The following MLLT6 variants were observed in gnomAD, a reference collection of about 807,000 sequenced individuals.
MLLT6 encodes protein AF-17.
A neutral mutation model predicts 103.0 loss-of-function variants in MLLT6; 22 were observed. That is an observed-to-expected ratio of 0.21 (90% confidence interval 0.15 to 0.31). The LOEUF (loss-of-function observed/expected upper bound fraction) is 0.31, where lower values mean the gene tolerates loss of function less well. MLLT6 is among the 10% of genes least tolerant of loss of function. The pLI is 1.00. For synonymous variants in MLLT6, 606 were observed against 623.5 expected (o/e 0.97, Z 0.42); for missense variants, 1,199 against 1,441.7 (o/e 0.83, Z 2.73).
Position 38,719,877 on chromosome 17 carries a change from G to T in MLLT6, c.2137G>T (p.Gly713Trp). 6.3e-7 allele frequency: 1 copy of T among 1,590,398 alleles called. No homozygotes were observed. Among genetic ancestry groups the T allele is most frequent in the South Asian group, 1.1e-5 (1 of 87,988 alleles). ...MEQLLEKQGDGEAGVNIVEML... is the reference protein window; with the variant it reads ...MEQLLEKQGDWEAGVNIVEML... Reference sequence around the variant, plus strand: ...GCAGCTTCTGGAGAAGCAGGGCGACGGGGAGGCCGGCGTCAACAGTGAGGA... The same window carrying T: ...GCAGCTTCTGGAGAAGCAGGGCGACTGGGAGGCCGGCGTCAACAGTGAGGA... The change falls in exon 14 of 20, where the codon GGG becomes TGG. Residue 713 changes from glycine to tryptophan, a missense_variant. Physicochemically the swap from Gly to Trp is radical, Grantham distance 184 (BLOSUM62 -2). This residue lies in a region of MLLT6 where 1,034 missense variants were observed against 1,091.5 expected (regional missense o/e 0.95). Coordinates refer to ENST00000621332, the MANE Select transcript of MLLT6 (RefSeq NM_005937.4).
intron 1 of MLLT6, 114 bp downstream of exon 1, chr17:38,705,855 C>T: frequency 3.0e-6 from 1 of 328,630 alleles, no homozygotes; most frequent in South Asian, 1.3e-4. Context: ...CCCCACCCCA[C>T]CTGAAGGGAA....
In MLLT6 at chr17:38,729,640, C is replaced by T; in HGVS notation, c.*4042C>T. ...TTTCTAAAACCTTGATATCCTCAGC[C>T]CAAAGGCGATGCCCCCCTGCCACCT... On this transcript the variant is annotated 3_prime_UTR_variant, in exon 20 of 20. Coordinates refer to ENST00000621332, the MANE Select transcript of MLLT6 (RefSeq NM_005937.4). 4.3e-6 allele frequency: 1 copy of T among 230,242 alleles called. No homozygotes were observed. The highest frequency in any genetic ancestry group is 8.6e-6 in the Non-Finnish European group (1 of 115,874). The allele number at this position is 230,242 out of a possible 1,614,324, so 14.3% of individuals were successfully genotyped here.
At chr17:38,719,623 G>A in intron 13 of MLLT6, 40 bp downstream of exon 13, 4 of 1,581,410 alleles carry the variant, frequency 2.5e-6, no homozygotes, top group Non-Finnish European at 3.4e-6. Flanking sequence ...CTGGGGGCAG[G>A]AGGGACACCC....
Position 38,716,883 on chromosome 17 carries a change from C to A in MLLT6, c.1553C>A (p.Ser518Tyr). The change falls in exon 10 of 20, where the codon TCC (serine) becomes TAC (tyrosine). Residue 518 changes from serine (S) to tyrosine (Y), a missense_variant. By Grantham distance (144) the Ser-to-Tyr change is moderately radical (BLOSUM62 -2). Coordinates refer to ENST00000621332, the MANE Select transcript of MLLT6 (RefSeq NM_005937.4). The surrounding 1 kb of genome is among the most constrained non-coding windows in gnomAD (Gnocchi z 5.6). ...GCTGCCTCACCCTTCTCTGGAGGTTCCCTGGTCAGCTCCGGCCTGGGAGGT... is the reference window on the plus strand; with the variant it reads ...GCTGCCTCACCCTTCTCTGGAGGTTACCTGGTCAGCTCCGGCCTGGGAGGT... ...ATAASPFSGG[S>Y]LVSSGLGGLS... 1.2e-6 allele frequency: 2 copies of A among 1,613,654 alleles called. No individual in the cohort carries two copies. Among genetic ancestry groups the A allele is most frequent in the Non-Finnish European group, 8.5e-7 (1 of 1,179,796 alleles).
rs2241012 is a variant in MLLT6, at chr17:38,711,886, G to A, written c.592G>A (p.Ala198Thr). The A allele has an allele frequency of 1.3e-3, 2,135 of 1,598,554 alleles. 43 individuals are homozygous for A. The East Asian group carries it at 0.039, about 29-fold the overall frequency. Residue 198 changes from alanine to threonine, a missense_variant, in exon 7 of 20, where the codon GCT (alanine) becomes ACT (threonine). Ala to Thr is a moderately conservative substitution (Grantham distance 58, BLOSUM62 0). Around this residue, in one of 7 missense-constraint regions of MLLT6, gnomAD observed 1,034 missense variants for 1,091.5 expected, o/e 0.95. Coordinates refer to ENST00000621332, the MANE Select transcript of MLLT6 (RefSeq NM_005937.4). Reference protein sequence around the residue: ...RHSSGGGGGGAGGGGGSMGGG... With the variant: ...RHSSGGGGGGTGGGGGSMGGG... ...CAGCAGCGGGGGAGGCGGAGGAGGC[G>A]CTGGAGGAGGAGGTGGCAGCATGGG...
At position 38,729,304 on chromosome 17, in the gene MLLT6, C is replaced by T. The variant is rs932045329; in HGVS notation, c.*3706C>T. ...CCTAGAGGGATTGAGGTAACTTCAA[C>T]TGGGAATTCCAAGGAAGGTGGGCAA... On this transcript the variant is annotated 3_prime_UTR_variant, in exon 20 of 20. Transcript: ENST00000621332. The T allele has an allele frequency of 1.7e-5, 4 of 233,192 alleles. No individual in the cohort carries two copies. Among genetic ancestry groups the T allele is most frequent in the African/African-American group, 8.8e-5 (4 of 45,340 alleles). The allele number at this position is 233,192 out of a possible 1,614,324, so 14.4% of individuals were successfully genotyped here. A position where few individuals can be genotyped will look rare whatever the true frequency, so the allele number is the denominator to read the frequency against.
At chr17:38,707,653 G>T in intron 3 of MLLT6, 110 bp from the exon 4 acceptor site, 1 of 1,285,432 alleles carries the variant, frequency 7.8e-7, no homozygotes, top group South Asian at 1.2e-5. Flanking sequence ...GCTGGCGCTG[G>T]AATCTGATGG....
intron 17 of MLLT6, among the ~76,000 whole-genome samples, 198 bp downstream of exon 17, chr17:38,722,425 C>T (rs1905809554): frequency 6.6e-6 from 1 of 152,180 alleles, no homozygotes; most frequent in Non-Finnish European, 1.5e-5. Context: ...GACGGTAGCT[C>T]CCCAGGGACA....
chr17:38,725,011 T>C, intron 19 of MLLT6, 35 bp downstream of exon 19: 1 of 1,365,222 alleles, frequency 7.3e-7, no homozygotes, highest in South Asian at 1.4e-5. Context: ...CTGCCTCCCC[T>C]CTGAGGGATG....
chr17:38,727,431 G>A lies in MLLT6; in HGVS notation c.*1833G>A, dbSNP rs1017929285. The A allele has an allele frequency of 1.8e-5, 4 of 227,556 alleles. No homozygotes were observed. The highest frequency in any genetic ancestry group is 6.3e-5 in the East Asian group (1 of 15,974). 14.1% of individuals were successfully genotyped at this position (227,556 alleles called of 1,614,324 possible). ...TTATTAATGCTAAATATGTTAGAAAGAAATGATAGCATTCAGCATTTTATT... is the reference window on the plus strand; with the variant it reads ...TTATTAATGCTAAATATGTTAGAAAAAAATGATAGCATTCAGCATTTTATT... On this transcript the variant is annotated 3_prime_UTR_variant, in exon 20 of 20. Transcript: ENST00000621332.
intron 15 of MLLT6, 41 bp from the exon 16 acceptor site, chr17:38,720,618 C>T (rs1327906227): frequency 1.2e-6 from 2 of 1,612,892 alleles, no homozygotes; most frequent in South Asian, 1.1e-5. Flanking sequence ...CCCTGAAGTC[C>T]GGACTGGCCC....
At position 38,726,399 on chromosome 17, in the gene MLLT6, G is replaced by GTGTC. The variant is rs994563650; in HGVS notation, c.*808_*811dup. The GTGTC allele has an allele frequency of 1.9e-4, 44 of 233,708 alleles. No individual in the cohort carries two copies. Among genetic ancestry groups the GTGTC allele is most frequent in the African/African-American group, 2.7e-4 (12 of 45,114 alleles). The allele number at this position is 233,708 out of a possible 1,614,324, so 14.5% of individuals were successfully genotyped here. A position where few individuals can be genotyped will look rare whatever the true frequency, so the allele number is the denominator to read the frequency against. On this transcript the variant is annotated 3_prime_UTR_variant, in exon 20 of 20. Transcript: ENST00000621332. ...TGTGTGTGTGTGTGTGTGTGTGTGT[G>GTGTC]TGTCTGTCTGCCTGTCTCTCTCCTC...
chr17:38,707,078 T>G (rs1251605502), intron 2 of MLLT6, 49 bp downstream of exon 2: 2 of 1,524,956 alleles, frequency 1.3e-6, no homozygotes, highest in Non-Finnish European at 1.8e-6. Context: ...CCCACACACC[T>G]GAGCGTCTCA....
chr17:38,716,317 G>A lies in MLLT6; in HGVS notation c.1037-50G>A. The A allele has an allele frequency of 6.4e-7, 1 of 1,563,844 alleles. No homozygotes were observed. The highest frequency in any genetic ancestry group is 8.7e-7 in the Non-Finnish European group (1 of 1,154,824). On this transcript the variant is annotated intron_variant, in intron 9 of 19. Coordinates refer to ENST00000621332, the MANE Select transcript of MLLT6 (RefSeq NM_005937.4). This position sits in a 1 kb window ranked among gnomAD's most constrained non-coding sequence, Gnocchi z 5.6. ...CGCCAGTACACGCGGGAGTGGGAGG[G>A]AGTGCGGGGATCTGGGGTCCAGCTG...
intron 17 of MLLT6, 27 bp from the exon 18 acceptor site, chr17:38,722,651 C>CCACCCCA (rs1405896532): frequency 2.2e-6 from 1 of 452,806 alleles, no homozygotes; most frequent in African/African-American, 2.2e-5. Flanking sequence ...TGTGTTGTCC[C>CCACCCCA]CCCCCCACCC....
At position 38,716,945 on chromosome 17, in the gene MLLT6, C is replaced by A; in HGVS notation, c.1615C>A (p.Pro539Thr). The A allele has an allele frequency of 6.2e-7, 1 of 1,613,734 alleles. No homozygotes were observed. Among genetic ancestry groups the A allele is most frequent in the South Asian group, 1.1e-5 (1 of 91,044 alleles). Residue 539 changes from proline to threonine, a missense_variant, in exon 10 of 20, where the codon CCC becomes ACC. Around this residue, in one of 7 missense-constraint regions of MLLT6, gnomAD observed 1,034 missense variants for 1,091.5 expected, o/e 0.95. Transcript: ENST00000621332. The surrounding 1 kb of genome is among the most constrained non-coding windows in gnomAD (Gnocchi z 5.6). ...AACCTTTGGGCCTTCTGGGAGCTTG[C>A]CCAGCTTGAGCCTGGAGTCCCCCTT... The part of the protein sequence containing the change: ...SRTFGPSGSL[P>T]SLSLESPLLG...
rs1243124050 is a variant in MLLT6 at position 38,729,493 on chromosome 17, A to C, written c.*3895A>C. On this transcript the variant is annotated 3_prime_UTR_variant, in exon 20 of 20. Transcript: ENST00000621332. ...TGGGACTTGGGTGGTGGGACTGGAGACCTCACCCCTGCTCCCGTCCCGCCC... is the reference window on the plus strand; with the variant it reads ...TGGGACTTGGGTGGTGGGACTGGAGCCCTCACCCCTGCTCCCGTCCCGCCC... 4.3e-6 allele frequency: 1 copy of C among 233,190 alleles called. No individual in the cohort carries two copies. Among genetic ancestry groups the C allele is most frequent in the African/African-American group, 2.2e-5 (1 of 45,198 alleles). The allele number at this position is 233,190 out of a possible 1,614,324, so 14.4% of individuals were successfully genotyped here. A position where few individuals can be genotyped will look rare whatever the true frequency, so the allele number is the denominator to read the frequency against.
At chr17:38,722,583 A>G in intron 17 of MLLT6, 95 bp from the exon 18 acceptor site, 1 of 734,580 alleles carries the variant, frequency 1.4e-6, no homozygotes, top group South Asian at 1.6e-5. Flanking sequence ...GGTCTGAGGG[A>G]GTCTAGGGGC....
Position 38,725,539 on chromosome 17 carries a change from C to T in MLLT6, c.3241-18C>T. On this transcript the variant is annotated intron_variant, in intron 19 of 19. Coordinates refer to ENST00000621332, the MANE Select transcript of MLLT6 (RefSeq NM_005937.4). ...CTGACACTTTCCACACCCCCGGCCT[C>T]CCTCCCTCTCTTTCCAGACCGCTGA... The T allele has an allele frequency of 2.5e-6, 4 of 1,607,086 alleles. No homozygotes were observed. Among genetic ancestry groups the T allele is most frequent in the Non-Finnish European group, 3.4e-6 (4 of 1,176,904 alleles).
Sources: gnomAD v4.1 joint callset for allele counts (sites outside exome capture counted in the v4.1 genomes callset) on GRCh38, gnomAD v4.1.1 for gene constraint, gnomAD v4.1.1 regional missense constraint, Gnocchi (gnomAD v3.1) non-coding constraint, MANE v1.5 for transcripts, NCBI Gene and HGNC (gene_info 2026-07-23, HGNC 2026-07-21) for gene names.